EDIL3: variants seen among roughly 807,000 people sequenced by gnomAD.
EDIL3 encodes EGF like and discoidin domains 3, also known as EGF-like repeat and discoidin I-like domain-containing protein 3.
Under a neutral mutation model 67.4 loss-of-function variants are expected in EDIL3, and 37 were observed. The observed-to-expected ratio is 0.55, with a 90% CI of 0.42 to 0.72. The LOEUF is 0.72. Among genes scored for constraint, EDIL3 ranks in the 30% least tolerant of loss-of-function variants. The pLI, the probability that EDIL3 is intolerant of heterozygous loss-of-function variation, is 0.00. For missense variants in EDIL3, 527 were observed against 586.3 expected, an observed-to-expected ratio of 0.90 and a Z score of 1.04; for synonymous variants, 195 against 196.3, an observed-to-expected ratio of 0.99 and a Z score of 0.05.
chr5:84,291,668 A>ATATCTATCTATATAGATATATC (rs1745919682), intron 1 of EDIL3, among the ~76,000 whole-genome samples: 1 of 147,544 alleles, frequency 6.8e-6, no homozygotes, highest in Non-Finnish European at 1.5e-5. Context: ...ATCTATATAT[A>ATATCTATCTATATAGATATATC]TATCTATCTA....
At chr5:84,134,896 A>G (rs2112313566) in intron 5 of EDIL3, among the ~76,000 whole-genome samples, 1 of 152,286 alleles carries the variant, frequency 6.6e-6, no homozygotes, top group East Asian at 1.9e-4. Context: ...CTTCAAAGAG[A>G]TGTCTGAATT....
intron 2 of EDIL3, among the ~76,000 whole-genome samples, chr5:84,243,331 T>C (rs1399205093): frequency 6.6e-6 from 1 of 152,160 alleles, no homozygotes; most frequent in East Asian, 1.9e-4. Flanking sequence ...GACCTCCATA[T>C]TTAAGAAGTA....
chr5:83,964,863 T>C (rs1351039598), intron 9 of EDIL3, among the ~76,000 whole-genome samples: 1 of 152,040 alleles, frequency 6.6e-6, no homozygotes, highest in African/African-American at 2.4e-5. Context: ...TGTCCAGCAG[T>C]AATGCAGGAT....
intron 1 of EDIL3, among the ~76,000 whole-genome samples, chr5:84,360,889 A>C (rs1747583988): frequency 6.6e-6 from 1 of 152,124 alleles, no homozygotes; most frequent in Non-Finnish European, 1.5e-5. Context: ...TATCTTACAA[A>C]ATAACCAAAA....
At chr5:84,329,863 T>A (rs1300957858) in intron 1 of EDIL3, among the ~76,000 whole-genome samples, 13 of 152,070 alleles carry the variant, frequency 8.5e-5, no homozygotes, top group Admixed American at 8.5e-4. Flanking sequence ...TTATCTTCCT[T>A]GCACAGAAGA....
intron 1 of EDIL3, among the ~76,000 whole-genome samples, chr5:84,364,575 T>C (rs1329051053): frequency 2.0e-5 from 3 of 152,116 alleles, no homozygotes; most frequent in Non-Finnish European, 1.5e-5. Flanking sequence ...CAGGTAAGAC[T>C]CCTAATCAGC....
At chr5:84,206,270 C>G (rs907094947) in intron 3 of EDIL3, among the ~76,000 whole-genome samples, 1 of 152,100 alleles carries the variant, frequency 6.6e-6, no homozygotes, top group Admixed American at 6.5e-5. Context: ...GCACTGTGGT[C>G]TGAGAGACAG....
intron 9 of EDIL3, among the ~76,000 whole-genome samples, chr5:83,972,282 T>C (rs1281259349): frequency 6.6e-6 from 1 of 152,104 alleles, no homozygotes; most frequent in African/African-American, 2.4e-5. Context: ...CAGCAAGATG[T>C]TTCTGGTTGT....
At chr5:84,138,829 T>G (rs1018962430) in intron 4 of EDIL3, among the ~76,000 whole-genome samples, 7 of 152,160 alleles carry the variant, frequency 4.6e-5, no homozygotes, top group African/African-American at 1.7e-4. Context: ...AGAACAGAGA[T>G]AATTCATGAC....
At chr5:84,163,222 A>C (rs1205131508) in intron 4 of EDIL3, among the ~76,000 whole-genome samples, 1 of 151,980 alleles carries the variant, frequency 6.6e-6, no homozygotes, top group Non-Finnish European at 1.5e-5. Context: ...TTTTAAATAT[A>C]CTCTCTAAAC....
chr5:84,080,113 T>C (rs1261509158), intron 6 of EDIL3, among the ~76,000 whole-genome samples: 71 of 6,132 alleles, frequency 0.012, 1 homozygote, highest in African/African-American at 0.047. Context: ...CTACTAAAAA[T>C]ACAAAAAAAA....
chr5:84,167,791 G>A (rs1748734943), intron 4 of EDIL3, among the ~76,000 whole-genome samples: 1 of 152,102 alleles, frequency 6.6e-6, no homozygotes, highest in Non-Finnish European at 1.5e-5. Flanking sequence ...GACTTGTTAA[G>A]AGTATAGAAG....
chr5:84,375,124 A>G (rs1016978174), intron 1 of EDIL3, among the ~76,000 whole-genome samples: 1 of 151,832 alleles, frequency 6.6e-6, no homozygotes, highest in African/African-American at 2.4e-5. Context: ...GGCACACACC[A>G]CCACGCCCAG....
chr5:84,098,436 T>C (rs1460247826), intron 6 of EDIL3, among the ~76,000 whole-genome samples: 1 of 152,166 alleles, frequency 6.6e-6, no homozygotes, highest in East Asian at 1.9e-4. Flanking sequence ...CTCTGGTATA[T>C]CATTTGATTT....
chr5:84,133,268 A>G (rs1468786088), intron 5 of EDIL3, among the ~76,000 whole-genome samples: 1 of 152,008 alleles, frequency 6.6e-6, no homozygotes, highest in Admixed American at 6.6e-5. Flanking sequence ...ATTCCAATTC[A>G]TCATCATTTT....
chr5:84,329,881 GATTAAGA>G (rs554922549), intron 1 of EDIL3, among the ~76,000 whole-genome samples: 137 of 152,118 alleles, frequency 9.0e-4, no homozygotes, highest in African/African-American at 3.3e-3. Flanking sequence ...AGAAAAAATA[GATTAAGA>G]ATTATCAGGC....
intron 1 of EDIL3, among the ~76,000 whole-genome samples, chr5:84,346,176 C>T (rs1747236862): frequency 7.6e-6 from 1 of 131,700 alleles, no homozygotes; most frequent in African/African-American, 2.9e-5. Flanking sequence ...CGCTCTGTCT[C>T]CCAGGCTGGA....
intron 1 of EDIL3, among the ~76,000 whole-genome samples, chr5:84,369,220 T>A (rs1267922357): frequency 5.2e-5 from 6 of 116,180 alleles, no homozygotes; most frequent in Non-Finnish European, 3.8e-5. Context: ...TATGTATATA[T>A]AATATATATA....
At position 84,376,541 on chromosome 5, in the gene EDIL3, G is replaced by A. The variant is rs963086383; in HGVS notation, c.67+7767C>T. On this transcript the variant is annotated intron_variant, in intron 1 of 10. Coordinates refer to ENST00000296591, the MANE Select transcript of EDIL3 (RefSeq NM_005711.5). ...ACTTGAATATTATATTATCAACAGT[G>A]CTCTTGCAGGAGTGTTGAGAAATAT... 4.6e-5 allele frequency among the ~76,000 whole-genome samples: 7 copies of A among 152,296 alleles called. No individual in the cohort carries two copies. The South Asian group carries it at 1.4e-3, about 32-fold the overall frequency.
Sources: gnomAD v4.1 joint callset for allele counts (sites outside exome capture counted in the v4.1 genomes callset) on GRCh38, gnomAD v4.1.1 for gene constraint, MANE v1.5 for transcripts, NCBI Gene and HGNC (gene_info 2026-07-23, HGNC 2026-07-21) for gene names.